ERC1: variants seen among roughly 807,000 people sequenced by gnomAD.
ERC1 encodes the protein RAB6 interacting protein 2.
Under a neutral mutation model 132.0 loss-of-function variants are expected in ERC1, and 56 were observed. The ratio of observed to expected loss-of-function variants is 0.42; its 90% confidence interval spans 0.34 to 0.53. The LOEUF (loss-of-function observed/expected upper bound fraction) is 0.53, where lower values mean the gene tolerates loss of function less well. Among genes scored for constraint, ERC1 ranks in the 20% least tolerant of loss-of-function variants. The pLI is 0.03. For synonymous variants in ERC1, 478 were observed against 476.1 expected (o/e 1.00, Z -0.05); for missense variants, 1,202 against 1,349.9 (o/e 0.89, Z 1.72).
At chr12:1,418,666 T>TTTTCTTTCTTTCTTTCTTTC (rs202159587) in intron 17 of ERC1, among the ~76,000 whole-genome samples, 8 of 86,792 alleles carry the variant, frequency 9.2e-5, no homozygotes, top group African/African-American at 3.1e-4. Context: ...TCTCTCTTTC[T>TTTTCTTTCTTTCTTTCTTTC]TTTCTTTCTT....
chr12:1,153,568 A>G (rs59676246), intron 8 of ERC1, among the ~76,000 whole-genome samples: 433 of 152,382 alleles, frequency 2.8e-3, no homozygotes, highest in African/African-American at 0.01. Context: ...GAATCCTGAC[A>G]TATGATTGGT....
At chr12:1,368,878 G>A (rs1566694460) in intron 15 of ERC1, among the ~76,000 whole-genome samples, 1 of 152,040 alleles carries the variant, frequency 6.6e-6, no homozygotes, top group Non-Finnish European at 1.5e-5. Context: ...TTATTCTCTT[G>A]ACTATGAATT....
intron 7 of ERC1, among the ~76,000 whole-genome samples, chr12:1,136,577 C>T (rs952573451): frequency 6.6e-6 from 1 of 152,186 alleles, no homozygotes; most frequent in Non-Finnish European, 1.5e-5. Flanking sequence ...TTCCGATATA[C>T]AAATACCATG....
intron 12 of ERC1, among the ~76,000 whole-genome samples, chr12:1,223,213 T>TAGATGACTTATGAACAA (rs2074307209): frequency 6.6e-6 from 1 of 152,186 alleles, no homozygotes; most frequent in African/African-American, 2.4e-5. Context: ...CAAGTCAACA[T>TAGATGACTTATGAACAA]GTCATAAGAT....
At chr12:1,481,146 A>T (rs1251242924) in intron 18 of ERC1, among the ~76,000 whole-genome samples, 2 of 152,230 alleles carry the variant, frequency 1.3e-5, no homozygotes, top group Non-Finnish European at 2.9e-5. Flanking sequence ...TTATTTCTGG[A>T]ATTTTCCATT....
intron 12 of ERC1, among the ~76,000 whole-genome samples, chr12:1,194,456 A>G (rs1460362493): frequency 6.6e-6 from 1 of 152,080 alleles, no homozygotes; most frequent in African/African-American, 2.4e-5. Flanking sequence ...TAAATTAAAT[A>G]AAGTACTTAG....
chr12:1,446,930 G>C (rs2093318175), intron 18 of ERC1, among the ~76,000 whole-genome samples: 1 of 152,014 alleles, frequency 6.6e-6, no homozygotes, highest in African/African-American at 2.4e-5. Context: ...TGAGGCAGGA[G>C]GATTGCTTGA....
chr12:1,004,260 A>G (rs1402095027), intron 1 of ERC1, among the ~76,000 whole-genome samples: 1 of 152,072 alleles, frequency 6.6e-6, no homozygotes, highest in Non-Finnish European at 1.5e-5. Flanking sequence ...ATTTTTATTC[A>G]TTAGTAAATG....
At chr12:1,078,611 C>T (rs1941706714) in intron 2 of ERC1, among the ~76,000 whole-genome samples, 1 of 147,258 alleles carries the variant, frequency 6.8e-6, no homozygotes, top group Non-Finnish European at 1.5e-5. Context: ...TATTAAAAGT[C>T]ATCATAAACA....
At chr12:1,438,010 A>G (rs905954469) in intron 17 of ERC1, among the ~76,000 whole-genome samples, 1 of 151,970 alleles carries the variant, frequency 6.6e-6, no homozygotes, top group Non-Finnish European at 1.5e-5. Flanking sequence ...TATTTCTATT[A>G]GTAGTGAGAT....
chr12:1,197,043 T>C (rs1161054909), intron 12 of ERC1, among the ~76,000 whole-genome samples: 1 of 149,072 alleles, frequency 6.7e-6, no homozygotes, highest in Non-Finnish European at 1.5e-5. Flanking sequence ...TGCAATGGTA[T>C]GATCTCAGCT....
chr12:1,431,839 T>C (rs1043508441), intron 17 of ERC1, among the ~76,000 whole-genome samples: 1 of 152,256 alleles, frequency 6.6e-6, no homozygotes, highest in Admixed American at 6.5e-5. Context: ...TGGTCTGTTA[T>C]GGAAATTGGC....
chr12:1,247,058 G>A (rs1026617578), intron 13 of ERC1, among the ~76,000 whole-genome samples: 2 of 149,128 alleles, frequency 1.3e-5, no homozygotes, highest in Non-Finnish European at 3.0e-5. Flanking sequence ...GAGCCCAGGA[G>A]TTTGAGGTTG....
At chr12:1,344,003 G>A (rs1174742742) in intron 15 of ERC1, among the ~76,000 whole-genome samples, 1 of 151,960 alleles carries the variant, frequency 6.6e-6, no homozygotes, top group Non-Finnish European at 1.5e-5. Context: ...CACTGCACCC[G>A]GCTAATTTTT....
intron 12 of ERC1, among the ~76,000 whole-genome samples, chr12:1,214,693 C>G (rs1038471680): frequency 2.1e-4 from 26 of 122,074 alleles, no homozygotes; most frequent in Admixed American, 1.7e-3. Flanking sequence ...CACACACACA[C>G]ACACACACAT....
At chr12:1,362,082 A>G (rs575833436) in intron 15 of ERC1, among the ~76,000 whole-genome samples, 12 of 152,338 alleles carry the variant, frequency 7.9e-5, no homozygotes, top group African/African-American at 2.9e-4. Context: ...GATAAGACAC[A>G]CTATTGTGTG....
Position 1,107,743 on chromosome 12 carries a change from G to A in ERC1, c.1162-2449G>A, listed in dbSNP as rs372105752. ...TGGATGGCAGCAATGGGGAGGGTAG[G>A]GTGAAAAGGAGTATGAGCTTTCCAT... is the stretch of plus-strand genomic sequence containing the variant. On this transcript the variant is annotated intron_variant, in intron 4 of 18. Coordinates refer to ENST00000360905, the MANE Select transcript of ERC1 (RefSeq NM_178040.4). Among the ~76,000 whole-genome samples the A allele has an allele frequency of 1.3e-4, 20 of 152,260 alleles. 1 individual carries two copies. The East Asian group carries it at 2.7e-3, about 21-fold the overall frequency.
At chr12:1,122,697 A>ATCTC (rs1947705818) in intron 7 of ERC1, among the ~76,000 whole-genome samples, 2 of 106,734 alleles carry the variant, frequency 1.9e-5, no homozygotes, top group Admixed American at 1.0e-4. Context: ...ATATCTATCT[A>ATCTC]AATCTCTGAA....
At chr12:1,168,776 C>T (rs868243975) in intron 8 of ERC1, among the ~76,000 whole-genome samples, 2 of 152,118 alleles carry the variant, frequency 1.3e-5, no homozygotes, top group Admixed American at 1.3e-4. Context: ...CGTGAGCCAT[C>T]GTGCCGGCTG....
Sources: gnomAD v4.1 joint callset for allele counts (sites outside exome capture counted in the v4.1 genomes callset) on GRCh38, gnomAD v4.1.1 for gene constraint, MANE v1.5 for transcripts, NCBI Gene and HGNC (gene_info 2026-07-23, HGNC 2026-07-21) for gene names.